BMPR1B: variants seen among roughly 807,000 people sequenced by gnomAD.
The protein encoded by BMPR1B is bone morphogenetic protein receptor type-1B.
In BMPR1B, 12 loss-of-function variants were observed where a neutral mutation model predicts 59.1. The ratio of observed to expected loss-of-function variants is 0.20; its 90% CI spans 0.13 to 0.33. BMPR1B has a LOEUF of 0.33. Among genes scored for constraint, BMPR1B ranks in the 10% least tolerant of loss-of-function variants. The probability of loss-of-function intolerance (pLI) is 1.00; values close to 1 mark genes in which losing one functional copy is unlikely to be tolerated. For missense variants in BMPR1B, 550 were observed against 610.9 expected (o/e 0.90, Z 1.05); for synonymous variants, 237 against 207.3 (o/e 1.14, Z -1.23).
In BMPR1B at chr4:95,154,934, C is replaced by G. The variant is rs957284014; in HGVS notation, c.*261C>G. On this transcript the variant is annotated 3_prime_UTR_variant, in exon 13 of 13. Transcript: ENST00000515059. ...TTCAAGATATGATGCATGTTGCTTT[C>G]TAAGAAAGCCCTGTATTTTGTGATT... 6 of 416,204 alleles carry G rather than the reference C, an allele frequency of 1.4e-5. No individual in the cohort carries two copies. In the South Asian group the frequency reaches 1.7e-4, roughly 12 times the overall value. 25.8% of individuals were successfully genotyped at this position (416,204 alleles called of 1,614,324 possible).
intron 2 of BMPR1B, among the ~76,000 whole-genome samples, chr4:94,927,866 GGTAAT>G (rs909308843): frequency 1.3e-5 from 2 of 152,082 alleles, no homozygotes; most frequent in Non-Finnish European, 2.9e-5. Context: ...TTGTGGCAGA[GGTAAT>G]GTAAAGAAAG....
intron 1 of BMPR1B, among the ~76,000 whole-genome samples, chr4:94,802,505 G>A (rs984725797): frequency 5.9e-5 from 9 of 152,194 alleles, no homozygotes; most frequent in African/African-American, 2.2e-4. Context: ...AGGCGTTGTG[G>A]TGAATGTGGC....
intron 3 of BMPR1B, among the ~76,000 whole-genome samples, chr4:95,054,717 T>C (rs1726789500): frequency 6.6e-6 from 1 of 152,164 alleles, no homozygotes. Flanking sequence ...TAAAACATCA[T>C]TTTGTTCACT....
At chr4:94,978,613 G>T (rs957335103) in intron 2 of BMPR1B, among the ~76,000 whole-genome samples, 2 of 152,166 alleles carry the variant, frequency 1.3e-5, no homozygotes, top group Non-Finnish European at 2.9e-5. Flanking sequence ...GGTGGTACGA[G>T]CATGGGAAAT....
intron 2 of BMPR1B, among the ~76,000 whole-genome samples, chr4:94,930,047 A>G (rs1375079933): frequency 1.3e-5 from 2 of 152,050 alleles, no homozygotes; most frequent in African/African-American, 2.4e-5. Flanking sequence ...AGGTATGTCC[A>G]CCATTCTCTA....
At chr4:94,865,956 C>T (rs1156452806) in intron 1 of BMPR1B, among the ~76,000 whole-genome samples, 1 of 151,984 alleles carries the variant, frequency 6.6e-6, no homozygotes, top group African/African-American at 2.4e-5. Context: ...GAGTATACTA[C>T]TTACTGAGTA....
At chr4:94,882,900 TA>T (rs1366789672) in intron 2 of BMPR1B, among the ~76,000 whole-genome samples, 1 of 152,066 alleles carries the variant, frequency 6.6e-6, no homozygotes, top group Non-Finnish European at 1.5e-5. Flanking sequence ...TGCTTAGAGG[TA>T]GGATCAGAAC....
At chr4:94,760,671 G>A (rs1018369846) in intron 1 of BMPR1B, among the ~76,000 whole-genome samples, 2 of 152,160 alleles carry the variant, frequency 1.3e-5, no homozygotes, top group African/African-American at 2.4e-5. Flanking sequence ...GTCCACCTCT[G>A]TGCTGTATGG....
At chr4:95,118,555 C>T (rs1204992507) in intron 6 of BMPR1B, among the ~76,000 whole-genome samples, 1 of 152,170 alleles carries the variant, frequency 6.6e-6, no homozygotes. Context: ...CTTAACTTGC[C>T]TCTCAGAGTG....
At chr4:94,863,124 G>A (rs1034942082) in intron 1 of BMPR1B, among the ~76,000 whole-genome samples, 3 of 151,720 alleles carry the variant, frequency 2.0e-5, no homozygotes, top group Non-Finnish European at 2.9e-5. Flanking sequence ...TCAAAAAAAA[G>A]GTTTGTGTTT....
At chr4:94,779,657 C>G (rs994213747) in intron 1 of BMPR1B, among the ~76,000 whole-genome samples, 7 of 151,988 alleles carry the variant, frequency 4.6e-5, no homozygotes, top group Non-Finnish European at 1.0e-4. Context: ...ATGGTGAAAC[C>G]CTGTCTTTAC....
chr4:95,119,158 G>A (rs1347211211), intron 6 of BMPR1B, among the ~76,000 whole-genome samples: 1 of 152,110 alleles, frequency 6.6e-6, no homozygotes, highest in African/African-American at 2.4e-5. Flanking sequence ...TAATTATGTG[G>A]ATAGTTCTAG....
At position 95,068,663 on chromosome 4, in the gene BMPR1B, G is replaced by T. The variant is rs1728037516; in HGVS notation, c.-17-35745G>T. Reference sequence around the variant, plus strand: ...AATCACTTCTCCTTTTATTCCATGGGTTGGCTATACTTGGACTTGTTTCCT... The same window carrying T: ...AATCACTTCTCCTTTTATTCCATGGTTTGGCTATACTTGGACTTGTTTCCT... On this transcript the variant is annotated intron_variant, in intron 3 of 12. Coordinates refer to ENST00000515059, the MANE Select transcript of BMPR1B (RefSeq NM_001203.3). 2.0e-5 allele frequency among the ~76,000 whole-genome samples: 3 copies of T among 152,144 alleles called. No individual in the cohort carries two copies. The South Asian group carries it at 6.2e-4, about 32-fold the overall frequency.
rs79617429 is a variant in BMPR1B at position 95,053,994 on chromosome 4, C to T, written c.-17-50414C>T. ...ATAATGATCACAGAAAAGGAAAATA[C>T]GAAACACTGATAAATGATGTGTTCA... On this transcript the variant is annotated intron_variant, in intron 3 of 12. Coordinates refer to ENST00000515059, the MANE Select transcript of BMPR1B (RefSeq NM_001203.3). Among the ~76,000 whole-genome samples, 459 of 152,148 alleles carry T rather than the reference C, an allele frequency of 3.0e-3. 1 individual carries two copies. The highest frequency in any genetic ancestry group is 0.01 in the African/African-American group (431 of 41,524).
chr4:95,085,796 A>T (rs761392293), intron 3 of BMPR1B, among the ~76,000 whole-genome samples: 2 of 152,198 alleles, frequency 1.3e-5, no homozygotes, highest in African/African-American at 2.4e-5. Flanking sequence ...CAGGCATTTT[A>T]TGAAGAACTT....
At chr4:95,040,293 T>C (rs1725561561) in intron 3 of BMPR1B, among the ~76,000 whole-genome samples, 1 of 152,248 alleles carries the variant, frequency 6.6e-6, no homozygotes, top group Non-Finnish European at 1.5e-5. Flanking sequence ...TTTAAGGGTT[T>C]AGATAAGAGT....
chr4:95,042,947 G>T (rs1221075326), intron 3 of BMPR1B, among the ~76,000 whole-genome samples: 1 of 151,086 alleles, frequency 6.6e-6, no homozygotes, highest in Non-Finnish European at 1.5e-5. Context: ...AGGCCGAGGC[G>T]GGTGGATCAT....
intron 3 of BMPR1B, among the ~76,000 whole-genome samples, chr4:95,046,417 A>G (rs1402370151): frequency 1.3e-5 from 2 of 152,154 alleles, no homozygotes; most frequent in Admixed American, 6.6e-5. Context: ...ACATTTTCTG[A>G]TATTTTCCTA....
At chr4:95,124,568 C>T (rs1732767012) in intron 7 of BMPR1B, among the ~76,000 whole-genome samples, 1 of 151,678 alleles carries the variant, frequency 6.6e-6, no homozygotes, top group African/African-American at 2.4e-5. Flanking sequence ...TTAGATATGA[C>T]CTTATATAAG....
Sources: gnomAD v4.1 joint callset for allele counts (sites outside exome capture counted in the v4.1 genomes callset) on GRCh38, gnomAD v4.1.1 for gene constraint, MANE v1.5 for transcripts, NCBI Gene and HGNC (gene_info 2026-07-23, HGNC 2026-07-21) for gene names.